Variants in UGGT2 observed in about 807,000 individuals in gnomAD.
The protein encoded by UGGT2 is UDP-glucose glycoprotein glucosyltransferase 2.
In UGGT2, 180 loss-of-function variants were observed where a neutral mutation model predicts 192.1. That is an observed-to-expected ratio of 0.94 (90% CI 0.83 to 1.06). UGGT2 has a LOEUF of 1.06. Ranked by LOEUF, UGGT2 falls within the 50% of genes least tolerant of loss-of-function variation. The pLI is 0.00. For synonymous variants in UGGT2, 580 were observed against 591.0 expected (o/e 0.98, Z 0.27); for missense variants, 1,849 against 1,795.7 (o/e 1.03, Z -0.54).
chr13:95,971,434 A>T (rs1007048711), intron 11 of UGGT2, among the ~76,000 whole-genome samples: 6 of 152,194 alleles, frequency 3.9e-5, no homozygotes, highest in African/African-American at 1.4e-4. Flanking sequence ...ATCAATGAGG[A>T]ATAACAATGT....
chr13:95,920,423 A>G (rs1339803915), intron 20 of UGGT2, among the ~76,000 whole-genome samples: 1 of 152,164 alleles, frequency 6.6e-6, no homozygotes. Context: ...TAATCTATGA[A>G]ATGGGAAAAA....
chr13:95,933,789 C>T (rs187267714), intron 17 of UGGT2, among the ~76,000 whole-genome samples: 67 of 152,310 alleles, frequency 4.4e-4, no homozygotes, highest in Middle Eastern at 3.4e-3. Context: ...TCATGCCATT[C>T]TCCTGCCTCA....
At chr13:96,030,534 GA>G (rs1462164799) in intron 2 of UGGT2, among the ~76,000 whole-genome samples, 2 of 152,164 alleles carry the variant, frequency 1.3e-5, no homozygotes, top group Non-Finnish European at 2.9e-5. Context: ...TCTACTTTGT[GA>G]AATCACAAAA....
chr13:95,908,410 T>A (rs1252860948), intron 20 of UGGT2, among the ~76,000 whole-genome samples: 1 of 152,210 alleles, frequency 6.6e-6, no homozygotes, highest in Non-Finnish European at 1.5e-5. Flanking sequence ...ATCACAAAAA[T>A]ACTCCTCAAG....
chr13:95,994,404 T>C (rs2051553632), intron 7 of UGGT2, among the ~76,000 whole-genome samples: 1 of 151,818 alleles, frequency 6.6e-6, no homozygotes, highest in Admixed American at 6.6e-5. Context: ...CTAACATTAT[T>C]ACAATATTTA....
intron 20 of UGGT2, among the ~76,000 whole-genome samples, chr13:95,920,302 A>C (rs1016412684): frequency 6.6e-6 from 1 of 152,230 alleles, no homozygotes; most frequent in African/African-American, 2.4e-5. Context: ...TTTCATGACA[A>C]AAATGCCAAA....
chr13:96,051,166 G>A (rs919532685), intron 1 of UGGT2, among the ~76,000 whole-genome samples: 1 of 152,182 alleles, frequency 6.6e-6, no homozygotes, highest in Non-Finnish European at 1.5e-5. Flanking sequence ...AAAAGGATGA[G>A]TTCATGTCCT....
chr13:95,863,833 T>C, intron 30 of UGGT2, 119 bp from the exon 31 acceptor site: 1 of 774,884 alleles, frequency 1.3e-6, no homozygotes, highest in Non-Finnish European at 2.2e-6. Flanking sequence ...ACAGTTGCAG[T>C]AACCAAAGAC....
chr13:96,030,038 A>G lies in UGGT2; in HGVS notation c.241+1851T>C, dbSNP rs1487432111. ...AACTATTAATAAAATTACTAGGACA[A>G]ATATGAGGACAACAGACAGTAATTT... On this transcript the variant is annotated intron_variant, in intron 2 of 38. Transcript: ENST00000376747. 2.0e-5 allele frequency among the ~76,000 whole-genome samples: 3 copies of G among 152,226 alleles called. No homozygotes were observed. The South Asian group carries it at 6.2e-4, about 32-fold the overall frequency.
chr13:95,913,853 T>C (rs1394281894), intron 20 of UGGT2, among the ~76,000 whole-genome samples: 1 of 152,058 alleles, frequency 6.6e-6, no homozygotes, highest in Non-Finnish European at 1.5e-5. Context: ...CCATCAATGA[T>C]AGACTGGATT....
At chr13:96,001,542 G>A (rs886458022) in intron 5 of UGGT2, among the ~76,000 whole-genome samples, 1 of 152,112 alleles carries the variant, frequency 6.6e-6, no homozygotes, top group Non-Finnish European at 1.5e-5. Context: ...TCACACGGAC[G>A]CGCATGAAAC....
At chr13:95,981,515 G>C (rs1049317195) in intron 10 of UGGT2, among the ~76,000 whole-genome samples, 1 of 151,842 alleles carries the variant, frequency 6.6e-6, no homozygotes, top group African/African-American at 2.4e-5. Context: ...TTTAGTCCCA[G>C]ACCCAGAGGA....
chr13:95,930,713 T>C (rs1488551096), intron 17 of UGGT2, among the ~76,000 whole-genome samples: 1 of 152,204 alleles, frequency 6.6e-6, no homozygotes, highest in Non-Finnish European at 1.5e-5. Context: ...TGGTGGGTTC[T>C]TGATCACACT....
At chr13:96,030,688 A>G (rs1199700154) in intron 2 of UGGT2, among the ~76,000 whole-genome samples, 1 of 152,226 alleles carries the variant, frequency 6.6e-6, no homozygotes, top group Non-Finnish European at 1.5e-5. Flanking sequence ...AGATGTCTCT[A>G]TATCTAAATG....
chr13:95,859,426 CTAAA>C (rs1364367933), intron 33 of UGGT2, among the ~76,000 whole-genome samples, 161 bp downstream of exon 33: 2 of 152,018 alleles, frequency 1.3e-5, no homozygotes, highest in Non-Finnish European at 1.5e-5. Flanking sequence ...TTGAACATCT[CTAAA>C]TAAAAATTGT....
Position 95,927,336 on chromosome 13 carries a change from C to T in UGGT2, c.1978G>A (p.Gly660Ser), listed in dbSNP as rs555370950. 13 of 1,589,166 alleles carry T rather than the reference C, an allele frequency of 8.2e-6. No homozygotes were observed. In the South Asian group the frequency reaches 1.5e-4, roughly 19 times the overall value. ...SVYLQREVFL[G>S]TLNDRTNAID... ...GCATTCGTGCGATCATTTAATGTGC[C>T]CTAAAAAAACAAAAATGTTATTTAG... is the stretch of plus-strand genomic sequence containing the variant. Residue 660 changes from glycine (G) to serine (S), a missense_variant and splice_region_variant, in exon 18 of 39, where the codon GGC becomes AGC. Physicochemically the swap from Gly to Ser is moderately conservative, Grantham distance 56. Coordinates refer to ENST00000376747, the MANE Select transcript of UGGT2 (RefSeq NM_020121.4).
intron 10 of UGGT2, among the ~76,000 whole-genome samples, chr13:95,973,319 G>T (rs1366039510): frequency 6.6e-6 from 1 of 152,134 alleles, no homozygotes; most frequent in East Asian, 1.9e-4. Flanking sequence ...ATAGATTAGA[G>T]ATAAAATTCA....
chr13:96,023,839 CTT>C (rs2052587712), intron 2 of UGGT2, 80 bp from the exon 3 acceptor site: 2 of 1,195,196 alleles, frequency 1.7e-6, no homozygotes, highest in African/African-American at 1.5e-5. Flanking sequence ...GTAAGGCTAA[CTT>C]AATGTCATAT....
chr13:95,971,533 G>A (rs538507336), intron 11 of UGGT2, among the ~76,000 whole-genome samples: 256 of 152,050 alleles, frequency 1.7e-3, no homozygotes, highest in African/African-American at 5.9e-3. Flanking sequence ...TAAATTATAC[G>A]TGAAAATATT....
Sources: gnomAD v4.1 joint callset for allele counts (sites outside exome capture counted in the v4.1 genomes callset) on GRCh38, gnomAD v4.1.1 for gene constraint, MANE v1.5 for transcripts, NCBI Gene and HGNC (gene_info 2026-07-23, HGNC 2026-07-21) for gene names.